MYO16: variants seen among roughly 807,000 people sequenced by gnomAD.
MYO16 encodes unconventional myosin-XVI.
In MYO16, 94 loss-of-function variants were observed where a neutral mutation model predicts 205.3. The ratio of observed to expected loss-of-function variants is 0.46; its 90% CI spans 0.39 to 0.54. MYO16 has a LOEUF of 0.54. Ranked by LOEUF, MYO16 falls within the 20% of genes least tolerant of loss-of-function variation. The pLI is 0.00. For missense variants in MYO16, 2,315 were observed against 2,387.5 expected, an observed-to-expected ratio of 0.97 and a Z score of 0.63; for synonymous variants, 988 against 954.0, an observed-to-expected ratio of 1.04 and a Z score of -0.66.
chr13:109,019,824 G>T lies in MYO16; in HGVS notation c.2709G>T (p.Ala903=). 6.2e-7 allele frequency: 1 copy of T among 1,614,090 alleles called. No homozygotes were observed. The highest frequency in any genetic ancestry group is 8.5e-7 in the Non-Finnish European group (1 of 1,180,006). ...QSLLESSNTN[A]VYSPMKDGNG... ...TCCTAGAATCCTCAAACACAAATGCGGTGTACTCCCCCATGAAGGATGGGA... is the reference window on the plus strand; with the variant it reads ...TCCTAGAATCCTCAAACACAAATGCTGTGTACTCCCCCATGAAGGATGGGA... Residue 903 remains alanine, a synonymous_variant, in exon 23 of 35, where the codon GCG becomes GCT. Transcript: ENST00000457511.
intron 4 of MYO16, among the ~76,000 whole-genome samples, chr13:108,783,814 C>T (rs1886377355): frequency 6.6e-6 from 1 of 152,136 alleles, no homozygotes; most frequent in African/African-American, 2.4e-5. Context: ...GTAAGAAGTG[C>T]CTTTCGCCTC....
chr13:108,562,009 C>A, the MYO16 span, among the ~76,000 whole-genome samples: 1 of 152,144 alleles, frequency 6.6e-6, no homozygotes. Flanking sequence ...CCCAAGTAAG[C>A]TTTTTCACAG....
At chr13:109,119,596 T>C (rs1013928436) in intron 28 of MYO16, among the ~76,000 whole-genome samples, 2 of 152,210 alleles carry the variant, frequency 1.3e-5, no homozygotes, top group Admixed American at 6.5e-5. Flanking sequence ...ACTTAAAAAG[T>C]GTATGAATGT....
intron 1 of MYO16, among the ~76,000 whole-genome samples, chr13:108,605,664 A>T (rs1471909777): frequency 6.6e-6 from 1 of 152,206 alleles, no homozygotes; most frequent in African/African-American, 2.4e-5. Flanking sequence ...AGGCCTCCCC[A>T]GCCATGCAGA....
At chr13:109,205,327 G>A (rs935871343) in intron 34 of MYO16, among the ~76,000 whole-genome samples, 3 of 152,198 alleles carry the variant, frequency 2.0e-5, no homozygotes, top group African/African-American at 7.2e-5. Context: ...GGGGGAAACA[G>A]TAGGCTCAGG....
At chr13:109,022,774 A>C (rs1015114400) in intron 23 of MYO16, among the ~76,000 whole-genome samples, 2 of 136,176 alleles carry the variant, frequency 1.5e-5, no homozygotes, top group African/African-American at 5.3e-5. Flanking sequence ...ATATTTATAT[A>C]TTATATATAC....
At chr13:109,022,157 T>G (rs185309676) in intron 23 of MYO16, among the ~76,000 whole-genome samples, 1 of 123,762 alleles carries the variant, frequency 8.1e-6, no homozygotes, top group African/African-American at 3.3e-5. Context: ...ATATACAAAT[T>G]TATATATACA....
chr13:108,785,665 A>G lies in MYO16; in HGVS notation c.538A>G (p.Asn180Asp), dbSNP rs764547007. 9.9e-6 allele frequency: 16 copies of G among 1,612,890 alleles called. No homozygotes were observed. The highest frequency in any genetic ancestry group is 1.4e-5 in the Non-Finnish European group (16 of 1,179,644). ...AGCCAATGTCCTTCTCCAGGATGTG[A>G]ATGGAAATATCCCATTAGATTATGC... ...AGANVLLQDVNGNIPLDYAVE... is the reference protein window; with the variant it reads ...AGANVLLQDVDGNIPLDYAVE... The change falls in exon 5 of 35, where the codon AAT becomes GAT. Residue 180 changes from asparagine (N) to aspartate (D), a missense_variant. Asn to Asp is a conservative substitution (Grantham distance 23, BLOSUM62 1). Around this residue, in one of 3 missense-constraint regions of MYO16, gnomAD observed 1,213 missense variants for 1,274.4 expected, o/e 0.95. Transcript: ENST00000457511.
the MYO16 span, among the ~76,000 whole-genome samples, chr13:108,544,751 A>G: frequency 6.6e-6 from 1 of 152,144 alleles, no homozygotes; most frequent in African/African-American, 2.4e-5. Flanking sequence ...CCCCACCAGC[A>G]TTCTTCCTAG....
chr13:108,722,563 A>T (rs1884202991), intron 3 of MYO16, among the ~76,000 whole-genome samples: 1 of 152,194 alleles, frequency 6.6e-6, no homozygotes, highest in African/African-American at 2.4e-5. Flanking sequence ...TGAAAATCCA[A>T]GCTTCAGGTA....
intron 32 of MYO16, among the ~76,000 whole-genome samples, chr13:109,143,060 C>T (rs999190007): frequency 1.3e-5 from 2 of 152,032 alleles, no homozygotes; most frequent in Non-Finnish European, 2.9e-5. Flanking sequence ...GAAAACTTCA[C>T]GGTGGAGAGG....
intron 4 of MYO16, among the ~76,000 whole-genome samples, chr13:108,742,624 T>C (rs545632250): frequency 5.3e-5 from 8 of 152,292 alleles, no homozygotes; most frequent in African/African-American, 1.9e-4. Context: ...AATTCCAAGG[T>C]ATTTTACTTA....
intron 2 of MYO16, among the ~76,000 whole-genome samples, chr13:108,704,417 G>T (rs1180392837): frequency 6.6e-6 from 1 of 152,090 alleles, no homozygotes; most frequent in Non-Finnish European, 1.5e-5. Flanking sequence ...GAGTTAATGG[G>T]TGCAGCACAC....
intron 24 of MYO16, chr13:109,049,068 A>C (rs1412272681): frequency 1.3e-5 from 1 of 77,984 alleles, no homozygotes; most frequent in African/African-American, 4.5e-5. Flanking sequence ...CAATTATGTT[A>C]ATAATTATTG....
intron 23 of MYO16, among the ~76,000 whole-genome samples, chr13:109,041,171 C>T (rs1450248069): frequency 2.0e-5 from 3 of 151,854 alleles, no homozygotes; most frequent in African/African-American, 4.8e-5. Flanking sequence ...ACTTGTGTGG[C>T]GAAAACCACA....
chr13:109,121,091 G>A (rs1278374412), intron 29 of MYO16, among the ~76,000 whole-genome samples: 1 of 152,054 alleles, frequency 6.6e-6, no homozygotes, highest in East Asian at 1.9e-4. Flanking sequence ...AATAAAATAA[G>A]AAGCCCTGTT....
At chr13:108,733,690 T>C (rs1884596892) in intron 4 of MYO16, among the ~76,000 whole-genome samples, 1 of 152,192 alleles carries the variant, frequency 6.6e-6, no homozygotes, top group Non-Finnish European at 1.5e-5. Flanking sequence ...GGGCCGGGCG[T>C]GGTGGATCAC....
intron 3 of MYO16, among the ~76,000 whole-genome samples, chr13:108,715,750 G>A (rs972200157): frequency 6.6e-6 from 1 of 152,072 alleles, no homozygotes; most frequent in Non-Finnish European, 1.5e-5. Context: ...CAAACAATGG[G>A]GCCACAATTA....
chr13:109,131,566 C>T (rs771772571), intron 31 of MYO16, among the ~76,000 whole-genome samples: 4 of 152,088 alleles, frequency 2.6e-5, no homozygotes, highest in African/African-American at 9.7e-5. Flanking sequence ...GGTACATGTG[C>T]ACAACGTGCA....
Sources: gnomAD v4.1 joint callset for allele counts (sites outside exome capture counted in the v4.1 genomes callset) on GRCh38, gnomAD v4.1.1 for gene constraint, gnomAD v4.1.1 regional missense constraint, MANE v1.5 for transcripts, NCBI Gene and HGNC (gene_info 2026-07-23, HGNC 2026-07-21) for gene names.